The following VPS13B variants were observed in gnomAD, a reference collection of about 807,000 sequenced individuals.
VPS13B encodes intermembrane lipid transfer protein VPS13B.
VPS13B carries 285 observed loss-of-function variants against 426.4 expected under a neutral mutation model. The observed-to-expected ratio is 0.67, with a 90% CI of 0.61 to 0.74. VPS13B has a LOEUF of 0.74. Among genes scored for constraint, VPS13B ranks in the 30% least tolerant of loss-of-function variants. The pLI is 0.00. For synonymous variants in VPS13B, 1,676 were observed against 1,676.4 expected (o/e 1.00, Z 0.01); for missense variants, 4,537 against 4,782.6 (o/e 0.95, Z 1.51).
intron 21 of VPS13B, among the ~76,000 whole-genome samples, chr8:99,422,266 A>G (rs970269724): frequency 2.6e-5 from 4 of 152,200 alleles, no homozygotes; most frequent in Non-Finnish European, 4.4e-5. Flanking sequence ...TTTAAGCCAC[A>G]TGTAGATTTC....
chr8:99,435,861 A>C (rs1817342066), intron 22 of VPS13B, among the ~76,000 whole-genome samples: 1 of 152,174 alleles, frequency 6.6e-6, no homozygotes, highest in Admixed American at 6.5e-5. Flanking sequence ...TGTATTTGAA[A>C]TGTATGTGAG....
At chr8:99,247,156 G>A (rs1312332999) in intron 17 of VPS13B, among the ~76,000 whole-genome samples, 1 of 152,006 alleles carries the variant, frequency 6.6e-6, no homozygotes, top group Non-Finnish European at 1.5e-5. Flanking sequence ...ACAGTGTGGA[G>A]CTTTTGCTTT....
chr8:99,366,936 A>G (rs573200152), intron 19 of VPS13B, among the ~76,000 whole-genome samples: 8 of 152,202 alleles, frequency 5.3e-5, no homozygotes, highest in African/African-American at 1.9e-4. Flanking sequence ...TGTTTTTTCT[A>G]TGTATATCTT....
chr8:99,363,068 T>A (rs1484064151), intron 19 of VPS13B, among the ~76,000 whole-genome samples: 2 of 152,186 alleles, frequency 1.3e-5, no homozygotes, highest in Non-Finnish European at 2.9e-5. Context: ...ACTCAAGAAA[T>A]CTCTGCTCAG....
chr8:99,509,420 G>T (rs1409421089), intron 28 of VPS13B, among the ~76,000 whole-genome samples: 1 of 151,794 alleles, frequency 6.6e-6, no homozygotes, highest in Non-Finnish European at 1.5e-5. Context: ...TTTTTTAATG[G>T]TCAATTAAAA....
rs891359260 is a variant in VPS13B, at chr8:99,851,135, C to T, written c.10061+2241C>T. On this transcript the variant is annotated intron_variant, in intron 55 of 61. Transcript: ENST00000357162. Reference sequence around the variant, plus strand: ...TTTTAACTAGTATAGCACAAAATTTCGGGTTTATTCAACAATTTCAGAAAC... The same window carrying T: ...TTTTAACTAGTATAGCACAAAATTTTGGGTTTATTCAACAATTTCAGAAAC... Among the ~76,000 whole-genome samples the T allele has an allele frequency of 5.3e-5, 8 of 152,224 alleles. No homozygotes were observed. The East Asian group carries it at 1.2e-3, about 22-fold the overall frequency.
At chr8:99,746,168 A>C (rs568211489) in intron 39 of VPS13B, among the ~76,000 whole-genome samples, 3 of 151,920 alleles carry the variant, frequency 2.0e-5, no homozygotes, top group African/African-American at 7.3e-5. Context: ...CTATTCCCCC[A>C]TATCTTCTGT....
chr8:99,869,205 G>A (rs904518920), intron 59 of VPS13B, among the ~76,000 whole-genome samples: 3 of 152,224 alleles, frequency 2.0e-5, no homozygotes, highest in East Asian at 1.9e-4. Context: ...TCATCATTTT[G>A]GTAATGAAGC....
intron 58 of VPS13B, 63 bp downstream of exon 58, chr8:99,862,009 AGGACT>A (rs762858507): frequency 5.4e-5 from 81 of 1,507,802 alleles, no homozygotes; most frequent in Non-Finnish European, 6.7e-5. Flanking sequence ...AGGGTCTCCC[AGGACT>A]GGGCAACTTC....
rs551742972 is a variant in VPS13B, at chr8:99,722,469, A to G, written c.7050+1422A>G. Among the ~76,000 whole-genome samples the G allele has an allele frequency of 5.3e-5, 8 of 151,946 alleles. No homozygotes were observed. The South Asian group carries it at 1.7e-3, about 32-fold the overall frequency. The stretch of plus-strand genomic sequence containing the variant: ...ATTAGTTTTATAATACAAATCAGCT[A>G]CATATTAATATAAGTCATATTACAA... On this transcript the variant is annotated intron_variant, in intron 39 of 61. Coordinates refer to ENST00000357162, the MANE Select transcript of VPS13B (RefSeq NM_152564.5).
intron 39 of VPS13B, among the ~76,000 whole-genome samples, chr8:99,743,159 A>G (rs1809852914): frequency 6.6e-6 from 1 of 152,340 alleles, no homozygotes; most frequent in African/African-American, 2.4e-5. Context: ...TGCAAAAATC[A>G]CAAGCATTCT....
intron 22 of VPS13B, among the ~76,000 whole-genome samples, chr8:99,439,851 A>G (rs1346605763): frequency 2.0e-5 from 3 of 152,098 alleles, no homozygotes; most frequent in Non-Finnish European, 1.5e-5. Context: ...AAAGAGAAAA[A>G]TCTAAGTTTC....
intron 17 of VPS13B, among the ~76,000 whole-genome samples, chr8:99,213,486 C>T (rs1232677446): frequency 6.6e-6 from 1 of 152,062 alleles, no homozygotes; most frequent in Non-Finnish European, 1.5e-5. Flanking sequence ...TCTGACTTGA[C>T]CTGCTTTTTA....
intron 20 of VPS13B, among the ~76,000 whole-genome samples, chr8:99,388,763 T>A (rs984794084): frequency 6.6e-6 from 1 of 152,240 alleles, no homozygotes; most frequent in African/African-American, 2.4e-5. Flanking sequence ...GTATTTTGTA[T>A]ACAGCTGTGT....
chr8:99,257,736 TATGTTTCC>T (rs1817831533), intron 17 of VPS13B, among the ~76,000 whole-genome samples: 2 of 152,146 alleles, frequency 1.3e-5, no homozygotes, highest in Non-Finnish European at 2.9e-5. Flanking sequence ...AAATAGACTC[TATGTTTCC>T]TGTGTAGTAT....
intron 30 of VPS13B, among the ~76,000 whole-genome samples, chr8:99,522,937 A>G (rs934101605): frequency 6.6e-6 from 1 of 152,204 alleles, no homozygotes; most frequent in Non-Finnish European, 1.5e-5. Flanking sequence ...GCTCAGTATA[A>G]TAAATGTATA....
chr8:99,312,916 T>C (rs559326758), intron 19 of VPS13B, among the ~76,000 whole-genome samples: 1 of 152,328 alleles, frequency 6.6e-6, no homozygotes, highest in Non-Finnish European at 1.5e-5. Flanking sequence ...ATTTCATTCA[T>C]TTGATCTTCA....
At chr8:99,143,661 A>G (rs1320123241) in intron 13 of VPS13B, among the ~76,000 whole-genome samples, 2 of 152,226 alleles carry the variant, frequency 1.3e-5, no homozygotes, top group Non-Finnish European at 2.9e-5. Flanking sequence ...AGAGTAGAGC[A>G]TAATAGTGTA....
chr8:99,301,714 A>G (rs1319820581), intron 19 of VPS13B, among the ~76,000 whole-genome samples: 2 of 152,240 alleles, frequency 1.3e-5, no homozygotes, highest in Non-Finnish European at 2.9e-5. Context: ...GGCAGAACTT[A>G]GAGTCCTTGT....
Sources: gnomAD v4.1 joint callset for allele counts (sites outside exome capture counted in the v4.1 genomes callset) on GRCh38, gnomAD v4.1.1 for gene constraint, MANE v1.5 for transcripts, NCBI Gene and HGNC (gene_info 2026-07-23, HGNC 2026-07-21) for gene names.